The following ZNF438 variants were observed in gnomAD, a reference collection of about 807,000 sequenced individuals.
ZNF438 encodes the protein zinc finger protein 438.
In ZNF438, 25 loss-of-function variants were observed where a neutral mutation model predicts 38.0. That is an observed-to-expected ratio of 0.66 (90% confidence interval 0.48 to 0.92). The LOEUF (loss-of-function observed/expected upper bound fraction) is 0.92. ZNF438 is among the 40% of genes least tolerant of loss of function. The pLI, the probability that ZNF438 is intolerant of heterozygous loss-of-function variation, is 0.00. For synonymous variants in ZNF438, 372 were observed against 364.1 expected (o/e 1.02, Z -0.25); for missense variants, 1,007 against 999.6 (o/e 1.01, Z -0.10).
At chr10:30,978,763 G>C (rs957089841) in intron 1 of ZNF438, among the ~76,000 whole-genome samples, 28 of 152,158 alleles carry the variant, frequency 1.8e-4, no homozygotes, top group African/African-American at 5.6e-4. Context: ...ATTTTACTCA[G>C]TATAATGTTT....
At chr10:31,003,573 C>A (rs938132322) in intron 1 of ZNF438, among the ~76,000 whole-genome samples, 2 of 152,148 alleles carry the variant, frequency 1.3e-5, no homozygotes, top group African/African-American at 2.4e-5. Context: ...CTGATACTAA[C>A]CTCATGAAGG....
intron 3 of ZNF438, among the ~76,000 whole-genome samples, chr10:30,904,395 C>T (rs1564614993): frequency 6.6e-6 from 1 of 152,114 alleles, no homozygotes; most frequent in Non-Finnish European, 1.5e-5. Flanking sequence ...TTTTATCTTG[C>T]AAAAAGCCTT....
intron 1 of ZNF438, among the ~76,000 whole-genome samples, chr10:30,971,631 C>T (rs948728300): frequency 2.0e-5 from 3 of 152,038 alleles, no homozygotes; most frequent in African/African-American, 7.2e-5. Context: ...TTCAGTATTA[C>T]ATGAAAAAAA....
intron 1 of ZNF438, among the ~76,000 whole-genome samples, chr10:30,953,930 T>C (rs2048559993): frequency 6.6e-6 from 1 of 152,038 alleles, no homozygotes; most frequent in Non-Finnish European, 1.5e-5. Flanking sequence ...GATCATGAGG[T>C]CAGGAGTTCA....
chr10:30,945,423 T>C (rs186205453), intron 1 of ZNF438, among the ~76,000 whole-genome samples: 2 of 152,010 alleles, frequency 1.3e-5, no homozygotes, highest in African/African-American at 2.4e-5. Context: ...CTTTTTTTTA[T>C]TATACTTTAA....
chr10:30,883,609 G>A (rs753362972), intron 3 of ZNF438, among the ~76,000 whole-genome samples: 1 of 152,046 alleles, frequency 6.6e-6, no homozygotes, highest in African/African-American at 2.4e-5. Flanking sequence ...TGTGGCTCAC[G>A]CCTGTAATCC....
chr10:30,973,269 A>T (rs947729525), intron 1 of ZNF438, among the ~76,000 whole-genome samples: 1 of 152,194 alleles, frequency 6.6e-6, no homozygotes, highest in African/African-American at 2.4e-5. Flanking sequence ...CTATTTATTC[A>T]TATCCCTCAG....
intron 3 of ZNF438, among the ~76,000 whole-genome samples, chr10:30,880,974 G>C (rs2039164917): frequency 6.6e-6 from 1 of 151,960 alleles, no homozygotes; most frequent in South Asian, 2.1e-4. Context: ...ATTAAGAATA[G>C]AAAGGAACTC....
At chr10:30,896,270 T>C (rs1051390113) in intron 3 of ZNF438, among the ~76,000 whole-genome samples, 1 of 136,348 alleles carries the variant, frequency 7.3e-6, no homozygotes, top group Non-Finnish European at 1.5e-5. Flanking sequence ...CACTCCAGCC[T>C]GGGCAACTGA....
chr10:30,861,955 G>A (rs545003557), intron 4 of ZNF438, among the ~76,000 whole-genome samples: 7 of 152,260 alleles, frequency 4.6e-5, no homozygotes, highest in Admixed American at 4.6e-4. Context: ...CAGGCAAATG[G>A]AAACTTCTGA....
exon 5 of ZNF438, chr10:30,850,028 G>A: frequency 6.2e-7 from 1 of 1,614,134 alleles, no homozygotes; most frequent in Non-Finnish European, 8.5e-7. Context: ...ATTTCTAGGG[G>A]GTTGATATCT....
chr10:30,955,722 C>G (rs56212621), intron 1 of ZNF438, among the ~76,000 whole-genome samples: 1 of 152,142 alleles, frequency 6.6e-6, no homozygotes, highest in South Asian at 2.1e-4. Flanking sequence ...ACCCATAGAA[C>G]GATGAGCTAA....
chr10:30,989,861 A>G (rs1466084090), intron 1 of ZNF438, among the ~76,000 whole-genome samples: 1 of 133,228 alleles, frequency 7.5e-6, no homozygotes, highest in African/African-American at 3.0e-5. Flanking sequence ...GGAAACACCA[A>G]TATAAACTTA....
At chr10:30,866,056 A>G (rs1440405177) in intron 4 of ZNF438, among the ~76,000 whole-genome samples, 1 of 152,212 alleles carries the variant, frequency 6.6e-6, no homozygotes, top group African/African-American at 2.4e-5. Context: ...AAACTGTTCA[A>G]GCAGTCATAT....
chr10:30,993,535 T>TAGTTTC lies in ZNF438; in HGVS notation c.-192+38292_-192+38297dup, dbSNP rs200975393. ...GAATGTAACAGAAGTGGGGCTATGG[T>TAGTTTC]AGTTTCACCTAGATTTCAAAGGATA... On this transcript the variant is annotated intron_variant, in intron 1 of 5. Transcript: ENST00000413025. Among the ~76,000 whole-genome samples, 997 of 152,326 alleles carry TAGTTTC rather than the reference T, an allele frequency of 6.5e-3. 11 individuals are homozygous for TAGTTTC. The highest frequency in any genetic ancestry group is 0.022 in the African/African-American group (933 of 41,574).
At chr10:30,990,427 C>G (rs2053358757) in intron 1 of ZNF438, among the ~76,000 whole-genome samples, 1 of 152,104 alleles carries the variant, frequency 6.6e-6, no homozygotes, top group Admixed American at 6.5e-5. Flanking sequence ...TTATCCAGAC[C>G]AGCAGCCTCA....
At chr10:30,900,978 A>C (rs1255899361) in intron 3 of ZNF438, among the ~76,000 whole-genome samples, 1 of 152,152 alleles carries the variant, frequency 6.6e-6, no homozygotes, top group African/African-American at 2.4e-5. Context: ...AAAAATGCAA[A>C]AGGCAGTTCA....
chr10:30,912,021 G>A (rs960275234), intron 2 of ZNF438, among the ~76,000 whole-genome samples: 11 of 151,918 alleles, frequency 7.2e-5, no homozygotes, highest in Non-Finnish European at 1.3e-4. Flanking sequence ...TTCTTCTTAC[G>A]CAGATCTTTT....
chr10:30,858,705 G>A (rs2035094225), intron 4 of ZNF438, among the ~76,000 whole-genome samples: 1 of 152,162 alleles, frequency 6.6e-6, no homozygotes, highest in African/African-American at 2.4e-5. Context: ...ACAATGCAAA[G>A]GAAACAAGCA....
Sources: gnomAD v4.1 joint callset for allele counts (sites outside exome capture counted in the v4.1 genomes callset) on GRCh38, gnomAD v4.1.1 for gene constraint, MANE v1.5 for transcripts, NCBI Gene and HGNC (gene_info 2026-07-23, HGNC 2026-07-21) for gene names.